ZNF606: variants seen among roughly 807,000 people sequenced by gnomAD.
ZNF606 encodes the protein zinc finger protein 606, also known as zinc finger protein 328.
In ZNF606, 37 loss-of-function variants were observed where a neutral mutation model predicts 74.9. The observed-to-expected ratio is 0.49, with a 90% confidence interval of 0.38 to 0.65. The LOEUF is 0.65. ZNF606 is among the 30% of genes least tolerant of loss of function. The probability of loss-of-function intolerance (pLI) is 0.00; values close to 1 mark genes in which losing one functional copy is unlikely to be tolerated. For missense variants in ZNF606, 852 were observed against 952.9 expected (o/e 0.89, Z 1.39); for synonymous variants, 328 against 312.4 (o/e 1.05, Z -0.53).
intron 4 of ZNF606, among the ~76,000 whole-genome samples, chr19:57,992,604 T>C (rs1347050275): frequency 6.6e-6 from 1 of 152,158 alleles, no homozygotes; most frequent in Admixed American, 6.5e-5. Flanking sequence ...TAGAGACACA[T>C]AGAGAAAACA....
chr19:57,990,364 C>CAA lies in ZNF606; in HGVS notation c.178-1645_178-1644dup, dbSNP rs557558121. ...TGGGCGACAAAGCAAGACTCTGTCT[C>CAA]AAAAAAAAAAAAAGAAATCAACTCA... On this transcript the variant is annotated intron_variant, in intron 4 of 6. Coordinates refer to ENST00000551380, the MANE Select transcript of ZNF606 (RefSeq NM_001348022.3). 2.7e-4 allele frequency among the ~76,000 whole-genome samples: 30 copies of CAA among 109,526 alleles called. 1 individual carries two copies. Among genetic ancestry groups the CAA allele is most frequent in the Non-Finnish European group, 2.2e-4 (11 of 49,170 alleles). The allele number at this position is 109,526 out of a possible 152,430, so 71.9% of individuals were successfully genotyped here.
At position 58,001,352 on chromosome 19, in the gene ZNF606, G is replaced by A; in HGVS notation, c.-33C>T. The A allele has an allele frequency of 1.2e-6, 2 of 1,613,986 alleles. No individual in the cohort carries two copies. The highest frequency in any genetic ancestry group is 1.7e-6 in the Non-Finnish European group (2 of 1,179,990). ...ACTGATTGACCAGGCACCTGCCCAG[G>A]AACACAGCAAATCCCAACCTAGTGA... On this transcript the variant is annotated 5_prime_UTR_variant, in exon 2 of 7. Coordinates refer to ENST00000551380, the MANE Select transcript of ZNF606 (RefSeq NM_001348022.3).
intron 4 of ZNF606, among the ~76,000 whole-genome samples, chr19:57,990,676 A>C (rs2073245081): frequency 6.6e-6 from 1 of 151,900 alleles, no homozygotes. Context: ...ACTTCTACCC[A>C]AATACAGCGT....
At chr19:57,989,549 T>A (rs562227385) in intron 4 of ZNF606, among the ~76,000 whole-genome samples, 1 of 151,990 alleles carries the variant, frequency 6.6e-6, no homozygotes, top group East Asian at 2.0e-4. Flanking sequence ...CAGGTTCAAG[T>A]GATCCTCCTG....
Position 57,980,074 on chromosome 19 carries a change from C to T in ZNF606, c.606G>A (p.Lys202=). 1 of 1,613,824 alleles carries T rather than the reference C, an allele frequency of 6.2e-7. No homozygotes were observed. The highest frequency in any genetic ancestry group is 8.5e-7 in the Non-Finnish European group (1 of 1,180,030). ...TAMRQMVFMQ[K]QVLSQRSSEF... ...CAGAGCTTCTCTGGGATAGTACTTG[C>T]TTTTGCATGAAGACCATCTGCCTCA... is the stretch of plus-strand genomic sequence containing the variant. The change falls in exon 7 of 7, where the codon AAG becomes AAA. Residue 202 remains lysine, a synonymous_variant. Coordinates refer to ENST00000551380, the MANE Select transcript of ZNF606 (RefSeq NM_001348022.3).
intron 4 of ZNF606, among the ~76,000 whole-genome samples, chr19:57,990,114 G>A (rs1270725140): frequency 7.2e-6 from 1 of 139,522 alleles, no homozygotes; most frequent in Non-Finnish European, 1.5e-5. Context: ...GGTAATCCCA[G>A]CACTTTGGGA....
chr19:58,001,424 G>C, intron 1 of ZNF606, 54 bp from the exon 2 acceptor site: 1 of 1,424,868 alleles, frequency 7.0e-7, no homozygotes, highest in Non-Finnish European at 9.8e-7. Context: ...AGAAGACCAA[G>C]TGGGAACAAA....
chr19:57,994,893 T>C (rs2073311577), intron 4 of ZNF606, among the ~76,000 whole-genome samples: 1 of 151,964 alleles, frequency 6.6e-6, no homozygotes, highest in Admixed American at 6.6e-5. Flanking sequence ...ACACTGAAAG[T>C]ATATACCTAG....
upstream of ZNF606, chr19:58,002,928 C>T (rs917215928): frequency 3.5e-5 from 16 of 451,764 alleles, no homozygotes; most frequent in Admixed American, 7.3e-5. Context: ...CCTCGCCCTG[C>T]CTGGGCGGGG....
At chr19:57,991,735 G>A (rs965752089) in intron 4 of ZNF606, among the ~76,000 whole-genome samples, 3 of 151,858 alleles carry the variant, frequency 2.0e-5, no homozygotes, top group African/African-American at 7.3e-5. Flanking sequence ...AGCCAAGATC[G>A]CACTACTGCA....
chr19:57,981,637 G>C (rs1363371841), intron 6 of ZNF606, among the ~76,000 whole-genome samples: 1 of 152,082 alleles, frequency 6.6e-6, no homozygotes, highest in Non-Finnish European at 1.5e-5. Flanking sequence ...ATCACCAAGC[G>C]AGGCTTCAAG....
intron 1 of ZNF606, 135 bp downstream of exon 1, chr19:58,002,261 G>A (rs2073445413): frequency 6.6e-6 from 3 of 456,624 alleles, no homozygotes; most frequent in African/African-American, 4.0e-5. Context: ...ACGACGGCTG[G>A]GGAACGAACG....
chr19:57,979,973 T>C lies in ZNF606; in HGVS notation c.707A>G (p.His236Arg). The C allele has an allele frequency of 6.2e-7, 1 of 1,613,930 alleles. No homozygotes were observed. The highest frequency in any genetic ancestry group is 8.5e-7 in the Non-Finnish European group (1 of 1,180,036). Residue 236 changes from histidine to arginine, a missense_variant, in exon 7 of 7, where the codon CAT (histidine) becomes CGT (arginine). His to Arg is a conservative substitution (Grantham distance 29). Around this residue, in one of 3 missense-constraint regions of ZNF606, gnomAD observed 545 missense variants for 542.5 expected, o/e 1.00. Coordinates refer to ENST00000551380, the MANE Select transcript of ZNF606 (RefSeq NM_001348022.3). ...AGCATGTGTATCAGGCTTATAGAAA[T>C]GTTCTATCTGAGAAACTCTCTGAGA... ...VPSQRVSQIEHFYKPDTHAQS... is the reference protein window; with the variant it reads ...VPSQRVSQIERFYKPDTHAQS...
At position 57,978,284 on chromosome 19, in the gene ZNF606, G is replaced by A. The variant is rs765550499; in HGVS notation, c.*17C>T. 6 of 1,537,142 alleles carry A rather than the reference G, an allele frequency of 3.9e-6. No individual in the cohort carries two copies. The Admixed American group carries it at 6.4e-5, about 16-fold the overall frequency. ...ATGTGTTGTCAAATGTACAAGAAACGAAAAACTCGCATAAATTCAATTCAG... is the reference window on the plus strand; with the variant it reads ...ATGTGTTGTCAAATGTACAAGAAACAAAAAACTCGCATAAATTCAATTCAG... On this transcript the variant is annotated 3_prime_UTR_variant, in exon 7 of 7. Transcript: ENST00000551380. This position sits in a 1 kb window ranked among gnomAD's most constrained non-coding sequence, Gnocchi z 4.4.
At chr19:57,995,547 G>C (rs1394406331) in intron 4 of ZNF606, among the ~76,000 whole-genome samples, 1 of 152,190 alleles carries the variant, frequency 6.6e-6, no homozygotes, top group East Asian at 1.9e-4. Context: ...AGATTGTTGG[G>C]CTGGGTGCAG....
chr19:57,978,169 G>T lies in ZNF606; in HGVS notation c.*132C>A. ...TCCTTCATGGGGTTTCTTCTAAGAT[G>T]ATATTTTCTAGTAAATAATGTGGGA... On this transcript the variant is annotated 3_prime_UTR_variant, in exon 7 of 7. Transcript: ENST00000551380. The surrounding 1 kb of genome is among the most constrained non-coding windows in gnomAD (Gnocchi z 4.4). 1 of 923,244 alleles carries T rather than the reference G, an allele frequency of 1.1e-6. No homozygotes were observed. Among genetic ancestry groups the T allele is most frequent in the Non-Finnish European group, 1.6e-6 (1 of 643,144 alleles). 57.2% of individuals were successfully genotyped at this position (923,244 alleles called of 1,614,324 possible).
intron 4 of ZNF606, chr19:57,999,389 G>A: frequency 4.7e-6 from 1 of 214,398 alleles, no homozygotes; most frequent in Non-Finnish European, 9.2e-6. Flanking sequence ...CCTTAGCTGA[G>A]TGAATAACCC....
At chr19:57,995,211 A>G (rs1427163466) in intron 4 of ZNF606, among the ~76,000 whole-genome samples, 3 of 150,188 alleles carry the variant, frequency 2.0e-5, no homozygotes, top group Non-Finnish European at 4.4e-5. Context: ...AAAAAAAAAA[A>G]GTACATACCT....
chr19:57,979,186 A>G lies in ZNF606; in HGVS notation c.1494T>C (p.His498=). ...TATGAGTCCTCTGATGTCCAATAAG[A>G]TGAGAGTTCCAGTTGAAAGATTTCC... The part of the protein sequence containing the change: ...ECGKSFNWNS[H]LIGHQRTHTG... Residue 498 remains histidine, a synonymous_variant, in exon 7 of 7, where the codon CAT becomes CAC. Transcript: ENST00000551380. 6.2e-7 allele frequency: 1 copy of G among 1,613,848 alleles called. No homozygotes were observed. The highest frequency in any genetic ancestry group is 8.5e-7 in the Non-Finnish European group (1 of 1,179,950).
Sources: gnomAD v4.1 joint callset for allele counts (sites outside exome capture counted in the v4.1 genomes callset) on GRCh38, gnomAD v4.1.1 for gene constraint, gnomAD v4.1.1 regional missense constraint, Gnocchi (gnomAD v3.1) non-coding constraint, MANE v1.5 for transcripts, NCBI Gene and HGNC (gene_info 2026-07-23, HGNC 2026-07-21) for gene names.